The following EYS variants were observed in gnomAD, a reference collection of about 807,000 sequenced individuals.
EYS encodes the protein EGF-like photoreceptor maintenance factor.
EYS carries 250 observed loss-of-function variants against 282.1 expected under a neutral mutation model. That is an observed-to-expected ratio of 0.89 (90% CI 0.80 to 0.98). The LOEUF (loss-of-function observed/expected upper bound fraction) is 0.98. EYS is among the 50% of genes least tolerant of loss of function. EYS has a pLI of 0.00. For missense variants in EYS, 4,016 were observed against 3,709.0 expected (o/e 1.08, Z -2.15); for synonymous variants, 1,355 against 1,282.9 (o/e 1.06, Z -1.20).
At position 64,112,747 on chromosome 6, in the gene EYS, CTATATATCTAGAATAGA is replaced by C. The variant is rs1274984379; in HGVS notation, c.6425-30762_6425-30746del. Among the ~76,000 whole-genome samples the C allele has an allele frequency of 1.1e-4, 17 of 148,526 alleles. No individual in the cohort carries two copies. The South Asian group carries it at 1.7e-3, about 15-fold the overall frequency. On this transcript the variant is annotated intron_variant, in intron 31 of 42. Coordinates refer to ENST00000503581, the MANE Select transcript of EYS (RefSeq NM_001142800.2). ...ACTTAATTTTTATTATATATATCTT[CTATATATCTAGAATAGA>C]TATATATCTAGAATAATATATATCT... is the stretch of plus-strand genomic sequence containing the variant.
At chr6:64,790,698 G>A (rs918275741) in intron 22 of EYS, among the ~76,000 whole-genome samples, 4 of 151,724 alleles carry the variant, frequency 2.6e-5, no homozygotes, top group South Asian at 2.1e-4. Context: ...ATAAGAACAT[G>A]ATCACATTTT....
chr6:64,929,947 C>G (rs1768653378), intron 15 of EYS, among the ~76,000 whole-genome samples: 1 of 152,008 alleles, frequency 6.6e-6, no homozygotes, highest in Non-Finnish European at 1.5e-5. Flanking sequence ...TTTGTTCTTT[C>G]ATATATAAAA....
At chr6:64,601,776 A>G (rs1766769188) in intron 24 of EYS, among the ~76,000 whole-genome samples, 1 of 152,070 alleles carries the variant, frequency 6.6e-6, no homozygotes, top group Non-Finnish European at 1.5e-5. Flanking sequence ...CAAACTAATT[A>G]CTATTTTTCT....
intron 22 of EYS, among the ~76,000 whole-genome samples, chr6:64,630,266 A>AT (rs1186039488): frequency 6.6e-6 from 1 of 151,458 alleles, no homozygotes; most frequent in Non-Finnish European, 1.5e-5. Context: ...CAGCTATTTT[A>AT]TTTTGTATTT....
intron 19 of EYS, among the ~76,000 whole-genome samples, chr6:64,835,129 C>T (rs1190096281): frequency 6.6e-6 from 1 of 151,706 alleles, no homozygotes; most frequent in African/African-American, 2.4e-5. Flanking sequence ...TTTAATTCCC[C>T]TGATGCAGTA....
At chr6:64,705,819 G>A (rs1770985969) in intron 22 of EYS, among the ~76,000 whole-genome samples, 1 of 128,580 alleles carries the variant, frequency 7.8e-6, no homozygotes, top group Admixed American at 9.1e-5. Flanking sequence ...ACACTCTGGG[G>A]ACTGTTGTGG....
intron 2 of EYS, among the ~76,000 whole-genome samples, chr6:65,550,458 A>G (rs1308955299): frequency 1.5e-4 from 1 of 6,784 alleles, no homozygotes; most frequent in Non-Finnish European, 1.9e-4. Flanking sequence ...ATCTAGCATT[A>G]GGTATATCTC....
rs188364214 is a variant in EYS, at chr6:64,945,004, C to T, written c.2381+789G>A. 7.2e-3 allele frequency among the ~76,000 whole-genome samples: 1,086 copies of T among 151,858 alleles called. 4 individuals carry two copies. The highest frequency in any genetic ancestry group is 0.011 in the Non-Finnish European group (774 of 67,948). ...TTATTATCACCCTGCCCTCCTACTA[C>T]ATTCCTTTTTGCTGAAATAATGAAG... On this transcript the variant is annotated intron_variant, in intron 15 of 42. Transcript: ENST00000503581.
intron 2 of EYS, among the ~76,000 whole-genome samples, chr6:65,590,240 A>G (rs13194431): frequency 0.11 from 17,170 of 152,092 alleles, 1,218 homozygotes; most frequent in South Asian, 0.19. Context: ...ACAGTACCCA[A>G]TGAAGCAATG....
intron 22 of EYS, among the ~76,000 whole-genome samples, chr6:64,783,084 C>T (rs1032075577): frequency 1.3e-5 from 2 of 152,086 alleles, no homozygotes; most frequent in African/African-American, 2.4e-5. Context: ...GTCCAGTATC[C>T]ACACCGTAGG....
At chr6:64,106,713 G>T (rs542857281) in intron 31 of EYS, among the ~76,000 whole-genome samples, 13 of 151,906 alleles carry the variant, frequency 8.6e-5, no homozygotes, top group African/African-American at 3.1e-4. Context: ...GCGGTTTGAT[G>T]TCCGACATGA....
chr6:63,982,676 G>C (rs890495350), intron 35 of EYS, among the ~76,000 whole-genome samples: 10 of 151,724 alleles, frequency 6.6e-5, no homozygotes, highest in African/African-American at 2.4e-4. Flanking sequence ...TAGTTTATCA[G>C]ATAGTCTGTT....
intron 31 of EYS, among the ~76,000 whole-genome samples, chr6:64,167,382 AATG>A (rs1383510717): frequency 6.6e-6 from 1 of 152,208 alleles, no homozygotes; most frequent in African/African-American, 2.4e-5. Context: ...CTGAGAGTAA[AATG>A]ATAAGAACTT....
chr6:65,467,097 ATCT>A (rs1765029790), intron 5 of EYS, among the ~76,000 whole-genome samples: 1 of 152,162 alleles, frequency 6.6e-6, no homozygotes, highest in Non-Finnish European at 1.5e-5. Context: ...ATAGCTAAAA[ATCT>A]TCTTGTTTGG....
chr6:65,525,179 C>G (rs558838357), intron 2 of EYS, among the ~76,000 whole-genome samples: 223 of 151,936 alleles, frequency 1.5e-3, no homozygotes, highest in Admixed American at 2.3e-3. Context: ...ATGTTGAAAG[C>G]ATTTGAAGAT....
At chr6:64,668,425 G>A (rs1269846233) in intron 22 of EYS, among the ~76,000 whole-genome samples, 2 of 151,400 alleles carry the variant, frequency 1.3e-5, no homozygotes. Flanking sequence ...TTCTCTAAAT[G>A]CTTATCATAT....
chr6:64,306,390 A>G (rs896074710), intron 30 of EYS, among the ~76,000 whole-genome samples: 5 of 152,132 alleles, frequency 3.3e-5, no homozygotes, highest in African/African-American at 1.2e-4. Flanking sequence ...GGTCATTTTA[A>G]TTGTCTGAGT....
chr6:64,393,247 T>C (rs550598815), intron 28 of EYS, among the ~76,000 whole-genome samples: 40 of 152,030 alleles, frequency 2.6e-4, no homozygotes, highest in South Asian at 1.0e-3. Context: ...TTCCAATCAA[T>C]AGAAAAAGAG....
At chr6:64,296,583 TACATATATATATA>T (rs1561913808) in intron 30 of EYS, among the ~76,000 whole-genome samples, 3 of 7,740 alleles carry the variant, frequency 3.9e-4, no homozygotes, top group African/African-American at 1.2e-3. Context: ...TATATATATA[TACATATATATATA>T]TATTTTTTTT....
Sources: allele counts gnomAD v4.1 joint callset (sites outside exome capture counted in the v4.1 genomes callset), GRCh38; gene constraint gnomAD v4.1.1; transcripts MANE v1.5; gene names NCBI Gene and HGNC (gene_info 2026-07-23, HGNC 2026-07-21).